The following PPP6R3 variants were observed in gnomAD, a reference collection of about 807,000 sequenced individuals.
PPP6R3 encodes protein phosphatase 6 regulatory subunit 3, also known as serine/threonine-protein phosphatase 6 regulatory subunit 3.
A neutral mutation model predicts 110.7 loss-of-function variants in PPP6R3; 38 were observed. That is an observed-to-expected ratio of 0.34 (90% CI 0.26 to 0.45). The LOEUF (loss-of-function observed/expected upper bound fraction) is 0.45. Ranked by LOEUF, PPP6R3 falls within the 20% of genes least tolerant of loss-of-function variation. PPP6R3 has a pLI of 1.00. For synonymous variants in PPP6R3, 369 were observed against 373.5 expected, an observed-to-expected ratio of 0.99 and a Z score of 0.14; for missense variants, 870 against 1,062.4, an observed-to-expected ratio of 0.82 and a Z score of 2.52.
intron 1 of PPP6R3, among the ~76,000 whole-genome samples, chr11:68,477,741 A>AAAAATATATATATATATATAT: frequency 3.6e-4 from 21 of 57,898 alleles, no homozygotes; most frequent in Non-Finnish European, 4.7e-4. Flanking sequence ...AAAAAAAAAA[A>AAAAATATATATATATATATAT]ATATATATAT....
chr11:68,483,023 C>G (rs2098925455), intron 1 of PPP6R3, among the ~76,000 whole-genome samples: 1 of 152,110 alleles, frequency 6.6e-6, no homozygotes, highest in African/African-American at 2.4e-5. Context: ...GTTATTATCA[C>G]AAACAATTCA....
At position 68,613,898 on chromosome 11, in the gene PPP6R3, A is replaced by ATTTTTTTTTTTTTTTTTTGGT. The variant is rs1944635350; in HGVS notation, c.*801_*802insTTTTTTTTTTTTTTTTTTTGG. The ATTTTTTTTTTTTTTTTTTGGT allele has an allele frequency of 2.5e-6, 2 of 798,220 alleles. No homozygotes were observed. The highest frequency in any genetic ancestry group is 1.4e-4 in the East Asian group (1 of 6,902). 49.4% of individuals were successfully genotyped at this position (798,220 alleles called of 1,614,324 possible). A position where few individuals can be genotyped will look rare whatever the true frequency, so the allele number is the denominator to read the frequency against. ...GAGTGTATATGGCTTGTGTTTTGGGATTTTTTTTTTTTTTTTTTGGCTTTT... is the reference window on the plus strand; with the variant it reads ...GAGTGTATATGGCTTGTGTTTTGGGATTTTTTTTTTTTTTTTTTGGTTTTTTTTTTTTTTTTTTTGGCTTTT... On this transcript the variant is annotated 3_prime_UTR_variant, in exon 24 of 24. Coordinates refer to ENST00000393800, the MANE Select transcript of PPP6R3 (RefSeq NM_001164161.2).
At chr11:68,598,068 A>G (rs1175377337) in intron 19 of PPP6R3, among the ~76,000 whole-genome samples, 1 of 152,022 alleles carries the variant, frequency 6.6e-6, no homozygotes, top group African/African-American at 2.4e-5. Flanking sequence ...AAAACTCTGT[A>G]CCCATTAAAC....
intron 18 of PPP6R3, among the ~76,000 whole-genome samples, chr11:68,595,526 G>A (rs754498537): frequency 2.6e-5 from 4 of 152,090 alleles, no homozygotes; most frequent in Non-Finnish European, 5.9e-5. Context: ...ATAAAAGAAT[G>A]ATTTTAGTAA....
chr11:68,545,140 G>C, intron 4 of PPP6R3, 116 bp downstream of exon 4: 1 of 711,460 alleles, frequency 1.4e-6, no homozygotes, highest in South Asian at 3.0e-5. Context: ...TTGTATAAGA[G>C]AATGTATTTT....
At position 68,490,672 on chromosome 11, in the gene PPP6R3, G is replaced by A. The variant is rs376850550; in HGVS notation, c.-157-28829G>A. ...TTTTTTCTCTTTCCTTTTCAGTTAC[G>A]GAAGTTTCTATTGTCATATCCTAAT... On this transcript the variant is annotated intron_variant, in intron 1 of 23. Transcript: ENST00000393800. 3.7e-4 allele frequency among the ~76,000 whole-genome samples: 55 copies of A among 149,384 alleles called. No individual in the cohort carries two copies. In the South Asian group the frequency reaches 0.011, roughly 31 times the overall value.
At chr11:68,479,756 T>TA (rs2098888908) in intron 1 of PPP6R3, among the ~76,000 whole-genome samples, 2 of 152,128 alleles carry the variant, frequency 1.3e-5, no homozygotes, top group African/African-American at 4.8e-5. Context: ...TCTTTTTTTT[T>TA]GAGACAGGTC....
intron 1 of PPP6R3, among the ~76,000 whole-genome samples, chr11:68,484,995 A>G (rs2098937375): frequency 6.6e-6 from 1 of 152,218 alleles, no homozygotes; most frequent in South Asian, 2.1e-4. Flanking sequence ...TATCATGACA[A>G]TATTGAACCT....
chr11:68,610,840 C>T (rs1458045016), intron 23 of PPP6R3, among the ~76,000 whole-genome samples: 12 of 151,420 alleles, frequency 7.9e-5, no homozygotes, highest in Non-Finnish European at 5.9e-5. Context: ...AGTTTTAACC[C>T]CCCACCCCCA....
intron 11 of PPP6R3, 123 bp downstream of exon 11, chr11:68,570,020 C>A: frequency 1.1e-6 from 1 of 881,194 alleles, no homozygotes; most frequent in Non-Finnish European, 1.7e-6. Context: ...AAATATTTGA[C>A]AATCATGTGT....
chr11:68,466,864 T>C (rs922629526), intron 1 of PPP6R3, among the ~76,000 whole-genome samples: 5 of 151,938 alleles, frequency 3.3e-5, no homozygotes, highest in African/African-American at 7.2e-5. Context: ...CCGCCCGCCT[T>C]GGCCTCCCAA....
At chr11:68,569,918 T>G in intron 11 of PPP6R3, 21 bp downstream of exon 11, 1 of 1,592,210 alleles carries the variant, frequency 6.3e-7, no homozygotes, top group Non-Finnish European at 8.6e-7. Context: ...TTGGTCTCGT[T>G]TTTCTCCCAC....
intron 7 of PPP6R3, among the ~76,000 whole-genome samples, chr11:68,558,041 T>G (rs977434726): frequency 3.3e-5 from 5 of 152,252 alleles, no homozygotes; most frequent in African/African-American, 1.2e-4. Context: ...TTTTTCAAAT[T>G]TTATTTGTAG....
At chr11:68,473,425 TCTC>T (rs1265591614) in intron 1 of PPP6R3, among the ~76,000 whole-genome samples, 4 of 152,232 alleles carry the variant, frequency 2.6e-5, no homozygotes, top group Non-Finnish European at 5.9e-5. Flanking sequence ...CATGCGTATC[TCTC>T]CATCTGTATC....
At chr11:68,498,268 G>A (rs1315293471) in intron 1 of PPP6R3, among the ~76,000 whole-genome samples, 1 of 152,092 alleles carries the variant, frequency 6.6e-6, no homozygotes, top group Non-Finnish European at 1.5e-5. Context: ...GGTAAATTTG[G>A]ACATGCAGAA....
chr11:68,554,653 T>C (rs1281334257), intron 7 of PPP6R3, among the ~76,000 whole-genome samples: 2 of 152,212 alleles, frequency 1.3e-5, no homozygotes, highest in Non-Finnish European at 2.9e-5. Context: ...CATTGTATCT[T>C]TGCAGCCGAT....
intron 2 of PPP6R3, among the ~76,000 whole-genome samples, chr11:68,520,874 C>T (rs993255646): frequency 2.6e-5 from 4 of 152,092 alleles, no homozygotes; most frequent in Non-Finnish European, 4.4e-5. Flanking sequence ...CGGGTTCAAG[C>T]GATTATCCGG....
At chr11:68,490,401 C>T (rs1437453537) in intron 1 of PPP6R3, among the ~76,000 whole-genome samples, 1 of 151,704 alleles carries the variant, frequency 6.6e-6, no homozygotes, top group Non-Finnish European at 1.5e-5. Context: ...TGATATTGCT[C>T]AGTGGTGTTT....
chr11:68,610,463 A>G (rs1942849341), intron 23 of PPP6R3, among the ~76,000 whole-genome samples: 1 of 152,168 alleles, frequency 6.6e-6, no homozygotes, highest in Non-Finnish European at 1.5e-5. Flanking sequence ...CACAAGGAGA[A>G]CTTGCTGGAG....
Sources: gnomAD v4.1 joint callset for allele counts (sites outside exome capture counted in the v4.1 genomes callset) on GRCh38, gnomAD v4.1.1 for gene constraint, MANE v1.5 for transcripts, NCBI Gene and HGNC (gene_info 2026-07-23, HGNC 2026-07-21) for gene names.